The following KCNB2 variants were observed in gnomAD, a reference collection of about 807,000 sequenced individuals.
KCNB2 encodes potassium voltage-gated channel subfamily B member 2.
In KCNB2, 15 loss-of-function variants were observed where a neutral mutation model predicts 61.5. The observed-to-expected ratio is 0.24, with a 90% CI of 0.16 to 0.38. The LOEUF is 0.38. KCNB2 is among the 10% of genes least tolerant of loss of function. KCNB2 has a pLI of 1.00. For synonymous variants in KCNB2, 457 were observed against 446.0 expected, an observed-to-expected ratio of 1.02 and a Z score of -0.31; for missense variants, 828 against 1,125.2, an observed-to-expected ratio of 0.74 and a Z score of 3.78.
intron 2 of KCNB2, among the ~76,000 whole-genome samples, chr8:72,699,288 G>T (rs918354354): frequency 7.4e-6 from 1 of 135,062 alleles, no homozygotes; most frequent in African/African-American, 3.7e-5. Context: ...TTGACATTCC[G>T]GCTGGTATGA....
chr8:72,716,902 A>G (rs1807453551), intron 2 of KCNB2, among the ~76,000 whole-genome samples: 1 of 152,160 alleles, frequency 6.6e-6, no homozygotes, highest in Non-Finnish European at 1.5e-5. Flanking sequence ...ATGATTGTAT[A>G]TCTAGAAAAC....
chr8:72,567,983 C>A lies in KCNB2; in HGVS notation c.249C>A (p.Asn83Lys), dbSNP rs764407343. The A allele has an allele frequency of 6.2e-7, 1 of 1,613,988 alleles. No homozygotes were observed. Among genetic ancestry groups the A allele is most frequent in the South Asian group, 1.1e-5 (1 of 91,064 alleles). ...LLEVCDDYNL[N>K]ENEYFFDRHP... The stretch of plus-strand genomic sequence containing the variant: ...AAGTGTGCGACGACTATAATCTGAA[C>A]GAGAACGAGTATTTCTTTGATCGGC... Residue 83 changes from asparagine to lysine, a missense_variant, in exon 2 of 3, where the codon AAC (asparagine) becomes AAA (lysine). Asn to Lys is a moderately conservative substitution (Grantham distance 94, BLOSUM62 0). Transcript: ENST00000523207.
intron 2 of KCNB2, among the ~76,000 whole-genome samples, chr8:72,919,437 G>GACT (rs1015445689): frequency 2.6e-5 from 4 of 152,190 alleles, no homozygotes; most frequent in African/African-American, 9.7e-5. Context: ...TTTAAACTGG[G>GACT]ACTGATTCAA....
intron 2 of KCNB2, among the ~76,000 whole-genome samples, chr8:72,593,500 C>T (rs989136446): frequency 2.0e-5 from 3 of 152,146 alleles, no homozygotes; most frequent in East Asian, 1.9e-4. Context: ...CTACTGAGGT[C>T]GGTATTGAGA....
chr8:72,782,388 C>T lies in KCNB2; in HGVS notation c.580-153547C>T, dbSNP rs575426516. 3.8e-4 allele frequency among the ~76,000 whole-genome samples: 58 copies of T among 152,196 alleles called. 1 individual carries two copies. In the South Asian group the frequency reaches 0.011, roughly 30 times the overall value. ...GTGTTCCGAGCTAGAGAATCCCCTTCGCCACCACGACTCTCTCCCCTCTAT... is the reference window on the plus strand; with the variant it reads ...GTGTTCCGAGCTAGAGAATCCCCTTTGCCACCACGACTCTCTCCCCTCTAT... On this transcript the variant is annotated intron_variant, in intron 2 of 2. Transcript: ENST00000523207.
intron 2 of KCNB2, among the ~76,000 whole-genome samples, chr8:72,684,770 G>T (rs934076672): frequency 6.6e-6 from 1 of 152,156 alleles, no homozygotes; most frequent in African/African-American, 2.4e-5. Context: ...GAACTGGACT[G>T]GCAGACCTGT....
At chr8:72,540,456 C>G (rs1238832270) in intron 1 of KCNB2, among the ~76,000 whole-genome samples, 1 of 152,086 alleles carries the variant, frequency 6.6e-6, no homozygotes, top group Non-Finnish European at 1.5e-5. Context: ...ATGGACAATA[C>G]AAAGGCATTA....
chr8:72,672,716 T>C (rs545295712), intron 2 of KCNB2, among the ~76,000 whole-genome samples: 48 of 152,260 alleles, frequency 3.2e-4, no homozygotes, highest in African/African-American at 1.1e-3. Flanking sequence ...TCAAATGTAC[T>C]GGCACTTTGG....
intron 2 of KCNB2, among the ~76,000 whole-genome samples, chr8:72,839,910 G>A (rs535649131): frequency 6.6e-6 from 1 of 151,194 alleles, no homozygotes; most frequent in Non-Finnish European, 1.5e-5. Context: ...ACCGTGCCCA[G>A]CCTTTTTTTT....
At chr8:72,645,432 A>T (rs1430434947) in intron 2 of KCNB2, among the ~76,000 whole-genome samples, 1 of 152,066 alleles carries the variant, frequency 6.6e-6, no homozygotes, top group Non-Finnish European at 1.5e-5. Context: ...TTTTTTTAAT[A>T]TATCACAGCC....
At chr8:72,579,150 C>T (rs1317610142) in intron 2 of KCNB2, among the ~76,000 whole-genome samples, 7 of 152,154 alleles carry the variant, frequency 4.6e-5, no homozygotes, top group Non-Finnish European at 8.8e-5. Flanking sequence ...CTTCTTAGCT[C>T]CTTTCCCACT....
intron 2 of KCNB2, among the ~76,000 whole-genome samples, chr8:72,594,743 C>T (rs1807159629): frequency 6.6e-6 from 1 of 152,178 alleles, no homozygotes; most frequent in South Asian, 2.1e-4. Flanking sequence ...CTCATCCCTG[C>T]CCTACATGTT....
At chr8:72,711,134 A>G (rs988130464) in intron 2 of KCNB2, among the ~76,000 whole-genome samples, 1 of 152,232 alleles carries the variant, frequency 6.6e-6, no homozygotes, top group East Asian at 1.9e-4. Flanking sequence ...GCTGATTCTC[A>G]TGGCAGAGGA....
intron 2 of KCNB2, among the ~76,000 whole-genome samples, chr8:72,790,897 C>T (rs1043093068): frequency 2.0e-5 from 3 of 152,208 alleles, no homozygotes; most frequent in Admixed American, 1.3e-4. Context: ...TACTCTTTCT[C>T]TGTTGGTTTT....
chr8:72,909,659 G>A (rs943198617), intron 2 of KCNB2, among the ~76,000 whole-genome samples: 7 of 152,078 alleles, frequency 4.6e-5, no homozygotes, highest in Non-Finnish European at 8.8e-5. Flanking sequence ...AATCTGGGGG[G>A]GAAATGATGG....
rs1391667727 is a variant in KCNB2, at chr8:72,629,180, C to T, written c.579+60867C>T. On this transcript the variant is annotated intron_variant, in intron 2 of 2. Transcript: ENST00000523207. The stretch of plus-strand genomic sequence containing the variant: ...TGTCTTCTGAAGACTAAATTGAACT[C>T]ATTCTCAAAGAAAAACTAAAGAGAA... Among the ~76,000 whole-genome samples the T allele has an allele frequency of 9.9e-5, 15 of 152,272 alleles. No individual in the cohort carries two copies. The East Asian group carries it at 2.9e-3, about 29-fold the overall frequency.
chr8:72,738,734 T>C (rs1807893497), intron 2 of KCNB2, among the ~76,000 whole-genome samples: 1 of 152,150 alleles, frequency 6.6e-6, no homozygotes, highest in South Asian at 2.1e-4. Context: ...GACTTGGTGG[T>C]TCTGGCAAAA....
chr8:72,665,818 CCCA>C (rs1806461274), intron 2 of KCNB2, among the ~76,000 whole-genome samples: 1 of 152,320 alleles, frequency 6.6e-6, no homozygotes, highest in African/African-American at 2.4e-5. Context: ...CAACCATAGC[CCCA>C]GCCAAAACAG....
intron 2 of KCNB2, among the ~76,000 whole-genome samples, chr8:72,846,578 C>A (rs1430814982): frequency 4.0e-5 from 6 of 149,546 alleles, no homozygotes; most frequent in Non-Finnish European, 7.4e-5. Flanking sequence ...AAAAAAAAAA[C>A]CATCAAAAAG....
Sources: allele counts gnomAD v4.1 joint callset (sites outside exome capture counted in the v4.1 genomes callset), GRCh38; gene constraint gnomAD v4.1.1; transcripts MANE v1.5; gene names NCBI Gene and HGNC (gene_info 2026-07-23, HGNC 2026-07-21).